SCIN: variants seen among roughly 807,000 people sequenced by gnomAD.
The protein encoded by SCIN is adseverin.
In SCIN, 91 loss-of-function variants were observed where a neutral mutation model predicts 91.8. The ratio of observed to expected loss-of-function variants is 0.99; its 90% confidence interval spans 0.84 to 1.18. The LOEUF (loss-of-function observed/expected upper bound fraction) is 1.18. Among genes scored for constraint, SCIN ranks in the 50% most tolerant of loss-of-function variants. The pLI, the probability that SCIN is intolerant of heterozygous loss-of-function variation, is 0.00. For synonymous variants in SCIN, 367 were observed against 312.6 expected (o/e 1.17, Z -1.84); for missense variants, 1,087 against 863.9 (o/e 1.26, Z -3.24).
intron 3 of SCIN, among the ~76,000 whole-genome samples, chr7:12,585,918 C>T (rs10259184): frequency 0.019 from 2,958 of 152,280 alleles, 101 homozygotes; most frequent in African/African-American, 0.067. Context: ...TTGATATCCA[C>T]GTCAGATATT....
At chr7:12,581,804 TATTAATC>T (rs1782493399) in intron 3 of SCIN, among the ~76,000 whole-genome samples, 2 of 152,324 alleles carry the variant, frequency 1.3e-5, no homozygotes, top group African/African-American at 4.8e-5. Context: ...CAGGTATACT[TATTAATC>T]ATTACTGTCA....
intron 10 of SCIN, among the ~76,000 whole-genome samples, 172 bp from the exon 11 acceptor site, chr7:12,640,175 A>G (rs1271207239): frequency 6.6e-6 from 1 of 152,232 alleles, no homozygotes; most frequent in Non-Finnish European, 1.5e-5. Flanking sequence ...GTCAACAGGG[A>G]AAATTAATTA....
intron 3 of SCIN, among the ~76,000 whole-genome samples, chr7:12,594,187 G>A (rs138868454): frequency 1.9e-4 from 29 of 152,130 alleles, no homozygotes; most frequent in African/African-American, 6.3e-4. Context: ...TGGAGAGAGT[G>A]GGGGAGAGGG....
intron 13 of SCIN, among the ~76,000 whole-genome samples, chr7:12,649,136 C>T (rs1380472386): frequency 1.3e-5 from 2 of 152,092 alleles, no homozygotes; most frequent in South Asian, 4.1e-4. Context: ...GACAAAAGCT[C>T]GAGTGCATGC....
intron 9 of SCIN, among the ~76,000 whole-genome samples, chr7:12,630,208 G>C (rs758625715): frequency 6.6e-6 from 1 of 151,856 alleles, no homozygotes; most frequent in Non-Finnish European, 1.5e-5. Flanking sequence ...GCCCAGTCAA[G>C]TTCAGGAGAT....
At chr7:12,591,181 G>A (rs1204963338) in intron 3 of SCIN, among the ~76,000 whole-genome samples, 2 of 152,102 alleles carry the variant, frequency 1.3e-5, no homozygotes, top group South Asian at 2.1e-4. Context: ...AAGAGGATAC[G>A]GGGAGTAAGG....
At chr7:12,608,291 CA>C (rs1045636844) in intron 4 of SCIN, among the ~76,000 whole-genome samples, 8 of 150,086 alleles carry the variant, frequency 5.3e-5, no homozygotes, top group Non-Finnish European at 8.9e-5. Flanking sequence ...AGAAGTGTTC[CA>C]AACCAGTCTA....
chr7:12,643,622 A>C (rs368205189), intron 11 of SCIN, among the ~76,000 whole-genome samples: 2 of 152,182 alleles, frequency 1.3e-5, no homozygotes, highest in African/African-American at 4.8e-5. Flanking sequence ...AAACCTGGTG[A>C]AATTCAACTC....
At chr7:12,636,628 T>C (rs1286505264) in intron 10 of SCIN, among the ~76,000 whole-genome samples, 1 of 152,106 alleles carries the variant, frequency 6.6e-6, no homozygotes, top group African/African-American at 2.4e-5. Context: ...GATTACTGGG[T>C]GGGCCTAGCG....
chr7:12,577,074 A>G (rs1782387900), intron 1 of SCIN, among the ~76,000 whole-genome samples: 1 of 152,140 alleles, frequency 6.6e-6, no homozygotes, highest in South Asian at 2.1e-4. Context: ...AGTTACCTGG[A>G]TGTGATGTGT....
At chr7:12,590,057 T>C (rs970061726) in intron 3 of SCIN, among the ~76,000 whole-genome samples, 9 of 151,720 alleles carry the variant, frequency 5.9e-5, no homozygotes, top group Non-Finnish European at 1.3e-4. Flanking sequence ...CGCCACTGGA[T>C]GCCAAGGGAC....
chr7:12,625,701 T>G (rs1441257437), intron 6 of SCIN, 61 bp from the exon 7 acceptor site: 9 of 1,139,828 alleles, frequency 7.9e-6, no homozygotes, highest in Non-Finnish European at 9.0e-6. Flanking sequence ...CAAGTATTTC[T>G]TAATCATAGA....
intron 3 of SCIN, among the ~76,000 whole-genome samples, chr7:12,594,513 C>T (rs930878717): frequency 2.6e-5 from 4 of 152,136 alleles, no homozygotes; most frequent in African/African-American, 7.2e-5. Flanking sequence ...GTGCCATTTT[C>T]GGGCCATTGG....
chr7:12,647,608 T>C (rs1783991523), intron 13 of SCIN, among the ~76,000 whole-genome samples: 1 of 152,232 alleles, frequency 6.6e-6, no homozygotes, highest in Non-Finnish European at 1.5e-5. Flanking sequence ...CTGTTGCATA[T>C]AAAACATTAG....
Position 12,657,896 on chromosome 7 carries a change from G to A in SCIN, c.*5181G>A, listed in dbSNP as rs77536615. 420 of 151,960 alleles carry A rather than the reference G, an allele frequency of 2.8e-3. 3 individuals are homozygous for A. The highest frequency in any genetic ancestry group is 9.8e-3 in the African/African-American group (407 of 41,480). 9.4% of individuals were successfully genotyped at this position (151,960 alleles called of 1,614,324 possible). On this transcript the variant is annotated 3_prime_UTR_variant, in exon 16 of 16. Coordinates refer to ENST00000297029, the MANE Select transcript of SCIN (RefSeq NM_001112706.3). ...CTATTATAGGAATAAGAATTCAGTA[G>A]TCATATTTCCTGTTGCCTATAAAAA...
chr7:12,581,841 C>G (rs1408801571), intron 3 of SCIN, among the ~76,000 whole-genome samples: 1 of 152,140 alleles, frequency 6.6e-6, no homozygotes, highest in Non-Finnish European at 1.5e-5. Flanking sequence ...AGCATTATTT[C>G]AAGACCCTTT....
Position 12,625,922 on chromosome 7 carries a change from T to G in SCIN, c.981+72T>G, listed in dbSNP as rs1783512035. On this transcript the variant is annotated intron_variant, in intron 7 of 15. Coordinates refer to ENST00000297029, the MANE Select transcript of SCIN (RefSeq NM_001112706.3). ...GCTCATGACATCTCCACGAAACTCA[T>G]GAAAAAGTTTGGGTCAAAGTAACGT... is the stretch of plus-strand genomic sequence containing the variant. The G allele has an allele frequency of 4.5e-6, 5 of 1,122,248 alleles. 1 individual carries two copies. The South Asian group carries it at 7.7e-5, about 17-fold the overall frequency. The allele number at this position is 1,122,248 out of a possible 1,614,324, so 69.5% of individuals were successfully genotyped here. A position where few individuals can be genotyped will look rare whatever the true frequency, so the allele number is the denominator to read the frequency against.
chr7:12,626,704 A>G lies in SCIN; in HGVS notation c.1102A>G (p.Ile368Val). The part of the protein sequence containing the change: ...KVYVTEKVAQ[I>V]KQIPFDASKL... ...TTATGTCACAGAGAAAGTGGCTCAA[A>G]TAAAACAAATTCCCTTTGATGCCTC... Residue 368 changes from isoleucine (I) to valine (V), a missense_variant, in exon 8 of 16, where the codon ATA (isoleucine) becomes GTA (valine). By Grantham distance (29) the Ile-to-Val change is conservative. Coordinates refer to ENST00000297029, the MANE Select transcript of SCIN (RefSeq NM_001112706.3). The G allele has an allele frequency of 6.3e-7, 1 of 1,598,268 alleles. No individual in the cohort carries two copies. The highest frequency in any genetic ancestry group is 1.7e-4 in the Middle Eastern group (1 of 6,042).
At chr7:12,585,029 G>A (rs1436632180) in intron 3 of SCIN, among the ~76,000 whole-genome samples, 2 of 152,096 alleles carry the variant, frequency 1.3e-5, no homozygotes, top group African/African-American at 2.4e-5. Context: ...TGTTTGGTCC[G>A]TGATGCAGCT....
Sources: gnomAD v4.1 joint callset for allele counts (sites outside exome capture counted in the v4.1 genomes callset) on GRCh38, gnomAD v4.1.1 for gene constraint, MANE v1.5 for transcripts, NCBI Gene and HGNC (gene_info 2026-07-23, HGNC 2026-07-21) for gene names.